PLCXD3: variants seen among roughly 807,000 people sequenced by gnomAD.
The protein encoded by PLCXD3 is PI-PLC X domain-containing protein 3.
PLCXD3 carries 19 observed loss-of-function variants against 25.5 expected under a neutral mutation model. The ratio of observed to expected loss-of-function variants is 0.75; its 90% confidence interval spans 0.52 to 1.09. The LOEUF (loss-of-function observed/expected upper bound fraction) is 1.09, where lower values mean the gene tolerates loss of function less well. Among genes scored for constraint, PLCXD3 ranks in the 50% least tolerant of loss-of-function variants. PLCXD3 has a pLI of 0.00. For missense variants in PLCXD3, 411 were observed against 388.1 expected (o/e 1.06, Z -0.50); for synonymous variants, 174 against 137.6 (o/e 1.26, Z -1.85).
intron 1 of PLCXD3, among the ~76,000 whole-genome samples, chr5:41,467,775 T>G (rs1219075805): frequency 6.6e-6 from 1 of 152,160 alleles, no homozygotes; most frequent in Non-Finnish European, 1.5e-5. Flanking sequence ...CTTCTAGATG[T>G]GGATATTCAG....
intron 1 of PLCXD3, among the ~76,000 whole-genome samples, chr5:41,387,422 C>T (rs1281288359): frequency 6.6e-6 from 1 of 152,090 alleles, no homozygotes; most frequent in Non-Finnish European, 1.5e-5. Flanking sequence ...AATTTTAATG[C>T]AACAATAGAA....
At chr5:41,397,499 G>T (rs1356150099) in intron 1 of PLCXD3, among the ~76,000 whole-genome samples, 2 of 152,212 alleles carry the variant, frequency 1.3e-5, no homozygotes, top group Admixed American at 1.3e-4. Context: ...GTCTTCTGCA[G>T]GGGTAGAGCT....
intron 2 of PLCXD3, among the ~76,000 whole-genome samples, chr5:41,361,932 T>C (rs1744791544): frequency 1.3e-5 from 2 of 152,200 alleles, no homozygotes; most frequent in South Asian, 4.1e-4. Flanking sequence ...ATATAGAAAG[T>C]GGCTCTTTGG....
intron 1 of PLCXD3, among the ~76,000 whole-genome samples, chr5:41,449,796 C>T (rs35712799): frequency 0.33 from 49,457 of 151,922 alleles, 10,121 homozygotes; most frequent in Non-Finnish European, 0.44. Flanking sequence ...ACTCTCCAAC[C>T]ACAGGACCTT....
intron 1 of PLCXD3, among the ~76,000 whole-genome samples, chr5:41,461,334 T>A (rs1747869453): frequency 6.6e-6 from 1 of 151,934 alleles, no homozygotes; most frequent in Non-Finnish European, 1.5e-5. Context: ...TTTTTTGGTA[T>A]CCTACTAAAG....
chr5:41,383,165 A>G (rs1745524855), intron 1 of PLCXD3, among the ~76,000 whole-genome samples: 1 of 152,144 alleles, frequency 6.6e-6, no homozygotes, highest in Non-Finnish European at 1.5e-5. Flanking sequence ...TACTTTTCAC[A>G]TATTGAATAA....
At chr5:41,437,902 G>A (rs1747292964) in intron 1 of PLCXD3, among the ~76,000 whole-genome samples, 3 of 152,150 alleles carry the variant, frequency 2.0e-5, no homozygotes, top group Admixed American at 1.3e-4. Flanking sequence ...GATAAATACT[G>A]CTAGCTATTG....
intron 1 of PLCXD3, among the ~76,000 whole-genome samples, chr5:41,482,032 T>G (rs1013512204): frequency 6.6e-5 from 10 of 152,174 alleles, no homozygotes; most frequent in African/African-American, 2.4e-4. Flanking sequence ...ATTTTCTAAA[T>G]TTTGATGTGA....
chr5:41,328,216 C>A (rs539252345), intron 2 of PLCXD3, among the ~76,000 whole-genome samples: 1 of 152,200 alleles, frequency 6.6e-6, no homozygotes, highest in East Asian at 1.9e-4. Flanking sequence ...TTAGTTAGTA[C>A]ATGTAGAATG....
rs1436300916 is a variant in PLCXD3 at position 41,510,488 on chromosome 5, G to T, written c.39C>A (p.Ala13=). Residue 13 remains alanine (A), a synonymous_variant, in exon 1 of 3, where the codon GCC becomes GCA. Transcript: ENST00000377801. ...SSQGKNELKL[A]DWMATLPESM... ...TCTCCGGCAGAGTTGCCATCCAGTC[G>T]GCTAATTTCAGCTCGTTTTTCCCCT... 1 of 1,613,216 alleles carries T rather than the reference G, an allele frequency of 6.2e-7. No individual in the cohort carries two copies.
At chr5:41,377,925 T>A (rs1278591665) in intron 2 of PLCXD3, among the ~76,000 whole-genome samples, 13 of 152,064 alleles carry the variant, frequency 8.5e-5, no homozygotes, top group Admixed American at 8.5e-4. Context: ...GATGAAAATA[T>A]GTAAGGCCCA....
intron 2 of PLCXD3, among the ~76,000 whole-genome samples, chr5:41,335,058 TG>T (rs1486115433): frequency 6.6e-6 from 1 of 152,200 alleles, no homozygotes; most frequent in East Asian, 1.9e-4. Context: ...CTCTTCTGTG[TG>T]GGATCACATG....
chr5:41,355,238 T>C (rs1285745367), intron 2 of PLCXD3, among the ~76,000 whole-genome samples: 1 of 152,156 alleles, frequency 6.6e-6, no homozygotes, highest in Non-Finnish European at 1.5e-5. Flanking sequence ...CCGTGGAGTT[T>C]TACATAACAT....
At chr5:41,396,622 GT>G (rs1746015804) in intron 1 of PLCXD3, among the ~76,000 whole-genome samples, 1 of 152,208 alleles carries the variant, frequency 6.6e-6, no homozygotes, top group African/African-American at 2.4e-5. Flanking sequence ...GTTTAGAACA[GT>G]TTGGAGGCAT....
intron 2 of PLCXD3, among the ~76,000 whole-genome samples, chr5:41,320,718 G>A (rs1010867134): frequency 6.6e-5 from 10 of 152,104 alleles, no homozygotes; most frequent in South Asian, 6.2e-4. Context: ...GGATGGTCTC[G>A]ATCTCCTGAC....
intron 1 of PLCXD3, among the ~76,000 whole-genome samples, chr5:41,442,084 C>G (rs1323311923): frequency 6.6e-6 from 1 of 152,206 alleles, no homozygotes; most frequent in Non-Finnish European, 1.5e-5. Context: ...GCAAAAGATT[C>G]TAGACTCTTA....
intron 1 of PLCXD3, among the ~76,000 whole-genome samples, chr5:41,405,291 A>C (rs1199445827): frequency 6.6e-6 from 1 of 152,074 alleles, no homozygotes; most frequent in African/African-American, 2.4e-5. Context: ...TTCTGGAGTG[A>C]AGCTTACCCT....
intron 1 of PLCXD3, among the ~76,000 whole-genome samples, chr5:41,433,861 C>T (rs1747173769): frequency 6.6e-6 from 1 of 152,212 alleles, no homozygotes; most frequent in Non-Finnish European, 1.5e-5. Context: ...TGACTCCTCT[C>T]CCTTGAAGTG....
rs927563229 is a variant in PLCXD3, at chr5:41,328,058, T to TA, written c.813-14289dup. 2.2e-3 allele frequency among the ~76,000 whole-genome samples: 337 copies of TA among 150,850 alleles called. 4 individuals are homozygous for TA. Among genetic ancestry groups the TA allele is most frequent in the African/African-American group, 7.7e-3 (318 of 41,178 alleles). On this transcript the variant is annotated intron_variant, in intron 2 of 2. Coordinates refer to ENST00000377801, the MANE Select transcript of PLCXD3 (RefSeq NM_001005473.3). Reference sequence around the variant, plus strand: ...AGAATCATTTCAAGATAAATGAAATTAAAAAAAAAATTTCATAGCACTACT... The same window carrying TA: ...AGAATCATTTCAAGATAAATGAAATTAAAAAAAAAAATTTCATAGCACTACT...
Sources: gnomAD v4.1 joint callset for allele counts (sites outside exome capture counted in the v4.1 genomes callset) on GRCh38, gnomAD v4.1.1 for gene constraint, MANE v1.5 for transcripts, NCBI Gene and HGNC (gene_info 2026-07-23, HGNC 2026-07-21) for gene names.